SEMA5A: variants seen among roughly 807,000 people sequenced by gnomAD.
The protein encoded by SEMA5A is semaphorin-5A.
Under a neutral mutation model 135.5 loss-of-function variants are expected in SEMA5A, and 55 were observed. The observed-to-expected ratio is 0.41, with a 90% CI of 0.33 to 0.51. The LOEUF (loss-of-function observed/expected upper bound fraction) is 0.51. SEMA5A is among the 20% of genes least tolerant of loss of function. SEMA5A has a pLI of 0.37. For synonymous variants in SEMA5A, 580 were observed against 546.5 expected (o/e 1.06, Z -0.85); for missense variants, 1,290 against 1,419.9 (o/e 0.91, Z 1.47).
At chr5:9,299,991 G>C (rs1001101813) in intron 5 of SEMA5A, among the ~76,000 whole-genome samples, 1 of 150,060 alleles carries the variant, frequency 6.7e-6, no homozygotes, top group Non-Finnish European at 1.5e-5. Flanking sequence ...TCCAAAACAC[G>C]AACAAAAAGA....
rs766612426 is a variant in SEMA5A, at chr5:9,182,149, G to GCCC, written c.1273+8115_1273+8117dup. 1.8e-3 allele frequency among the ~76,000 whole-genome samples: 216 copies of GCCC among 122,968 alleles called. 2 individuals are homozygous for GCCC. The highest frequency in any genetic ancestry group is 6.9e-3 in the African/African-American group (192 of 27,946). 80.7% of individuals were successfully genotyped at this position (122,968 alleles called of 152,430 possible). ...TGCAACTGCTTGTTTTATTGCTTCT[G>GCCC]CCCCCCACCCCAAAAAAAAATACGC... On this transcript the variant is annotated intron_variant, in intron 11 of 22. Transcript: ENST00000382496.
At chr5:9,247,673 CATATTGATCTAT>C (rs1254541149) in intron 5 of SEMA5A, among the ~76,000 whole-genome samples, 2 of 152,096 alleles carry the variant, frequency 1.3e-5, no homozygotes, top group Non-Finnish European at 2.9e-5. Context: ...AGCTTGAGAA[CATATTGATCTAT>C]TTTCCAGATC....
intron 1 of SEMA5A, among the ~76,000 whole-genome samples, chr5:9,443,008 C>A (rs1215313085): frequency 6.6e-6 from 1 of 152,140 alleles, no homozygotes. Context: ...TGTGGAGGAC[C>A]CAGCACTCAG....
rs141330310 is a variant in SEMA5A, at chr5:9,373,437, C to T, written c.124+6386G>A. On this transcript the variant is annotated intron_variant, in intron 3 of 22. Coordinates refer to ENST00000382496, the MANE Select transcript of SEMA5A (RefSeq NM_003966.3). ...CAAGTGCAACCCCCTAGCCCAGTCC[C>T]GGTGATGGCCCAAGCTGGAGCAGTC... 9.2e-5 allele frequency among the ~76,000 whole-genome samples: 14 copies of T among 152,242 alleles called. No homozygotes were observed. The East Asian group carries it at 1.7e-3, about 19-fold the overall frequency.
chr5:9,429,990 G>A (rs1474189571), intron 2 of SEMA5A, among the ~76,000 whole-genome samples: 2 of 152,210 alleles, frequency 1.3e-5, no homozygotes, highest in African/African-American at 4.8e-5. Flanking sequence ...CAGCGAGACG[G>A]CCGGAAGACC....
intron 2 of SEMA5A, among the ~76,000 whole-genome samples, chr5:9,416,533 C>A (rs928409799): frequency 2.0e-5 from 3 of 152,190 alleles, no homozygotes; most frequent in Non-Finnish European, 4.4e-5. Flanking sequence ...CTCTCACCTG[C>A]AAACTGGGTA....
chr5:9,296,150 G>T (rs1336424987), intron 5 of SEMA5A, among the ~76,000 whole-genome samples: 1 of 152,114 alleles, frequency 6.6e-6, no homozygotes, highest in East Asian at 1.9e-4. Flanking sequence ...AAAATAGAGA[G>T]TTGAACCCCA....
At chr5:9,395,335 C>G (rs1275692959) in intron 2 of SEMA5A, among the ~76,000 whole-genome samples, 2 of 152,088 alleles carry the variant, frequency 1.3e-5, no homozygotes, top group Non-Finnish European at 2.9e-5. Context: ...TAAGTGTTCT[C>G]CAAACTGAAC....
At chr5:9,400,977 AGT>A (rs1756635215) in intron 2 of SEMA5A, among the ~76,000 whole-genome samples, 1 of 152,174 alleles carries the variant, frequency 6.6e-6, no homozygotes, top group Admixed American at 6.5e-5. Context: ...GGTGGAGACC[AGT>A]GTCTGACCTC....
intron 3 of SEMA5A, among the ~76,000 whole-genome samples, chr5:9,376,179 G>A (rs1755355163): frequency 6.6e-6 from 1 of 152,116 alleles, no homozygotes; most frequent in Admixed American, 6.5e-5. Context: ...TCCAGATAAA[G>A]GATAAACTTA....
At chr5:9,522,937 T>G (rs1736916736) in intron 1 of SEMA5A, 1 of 152,226 alleles carries the variant, frequency 6.6e-6, no homozygotes, top group Non-Finnish European at 1.5e-5. Flanking sequence ...AGGGCCATTT[T>G]TACTTCTCTA....
chr5:9,345,019 A>G (rs184766849), intron 3 of SEMA5A, among the ~76,000 whole-genome samples: 1 of 152,152 alleles, frequency 6.6e-6, no homozygotes, highest in African/African-American at 2.4e-5. Context: ...CACTAGTAGA[A>G]TATCTAAGTA....
At chr5:9,085,418 C>T (rs1738625833) in intron 16 of SEMA5A, among the ~76,000 whole-genome samples, 1 of 152,098 alleles carries the variant, frequency 6.6e-6, no homozygotes, top group African/African-American at 2.4e-5. Context: ...CTGTGTGCAG[C>T]CTAAGGACTC....
chr5:9,323,789 G>C (rs926236064), intron 4 of SEMA5A, among the ~76,000 whole-genome samples: 4 of 149,778 alleles, frequency 2.7e-5, no homozygotes, highest in Non-Finnish European at 4.4e-5. Context: ...AGCCTCCCCA[G>C]TAGCCAGGAT....
rs141004409 is a variant in SEMA5A, at chr5:9,136,613, A to G, written c.1490T>C (p.Ile497Thr). Residue 497 changes from isoleucine to threonine, a missense_variant, in exon 13 of 23, where the codon ATT (isoleucine) becomes ACT (threonine). This residue lies in a region of SEMA5A where 1,029 missense variants were observed against 1,086.6 expected (regional missense o/e 0.95). Transcript: ENST00000382496. ...CQFYRTRSTC[I>T]GAQDPYCGWD... ...GCCACAGTAAGGGTCCTGGGCCCCA[A>G]TGCAGGTGCTGGAAACACACACCAA... The G allele has an allele frequency of 1.0e-4, 166 of 1,613,728 alleles. No homozygotes were observed. The highest frequency in any genetic ancestry group is 1.2e-4 in the Non-Finnish European group (146 of 1,179,756).
chr5:9,109,218 T>G (rs1217584597), intron 15 of SEMA5A, among the ~76,000 whole-genome samples: 2 of 151,354 alleles, frequency 1.3e-5, no homozygotes, highest in African/African-American at 4.9e-5. Context: ...TTTTTTGTAT[T>G]TTTAGTAGAG....
At chr5:9,109,027 AATTTTTTTTTTTTTTTT>A (rs1740085333) in intron 15 of SEMA5A, among the ~76,000 whole-genome samples, 1 of 118,928 alleles carries the variant, frequency 8.4e-6, no homozygotes, top group East Asian at 2.6e-4. Context: ...ATTTCTCTTC[AATTTTTTTTTTTTTTTT>A]TTTTTTTTTT....
At chr5:9,064,084 G>A (rs139534800) in intron 17 of SEMA5A, among the ~76,000 whole-genome samples, 331 of 152,332 alleles carry the variant, frequency 2.2e-3, no homozygotes, top group African/African-American at 7.8e-3. Flanking sequence ...AAGCAACTCT[G>A]TTGTTTACTT....
At chr5:9,533,034 C>A (rs897538175) in intron 1 of SEMA5A, among the ~76,000 whole-genome samples, 4 of 152,210 alleles carry the variant, frequency 2.6e-5, no homozygotes, top group African/African-American at 7.2e-5. Flanking sequence ...AGAGGTTATT[C>A]TTTTGTTTTC....
Sources: gnomAD v4.1 joint callset for allele counts (sites outside exome capture counted in the v4.1 genomes callset) on GRCh38, gnomAD v4.1.1 for gene constraint, gnomAD v4.1.1 regional missense constraint, MANE v1.5 for transcripts, NCBI Gene and HGNC (gene_info 2026-07-23, HGNC 2026-07-21) for gene names.